The following CLDN16 variants were observed in gnomAD, a reference collection of about 807,000 sequenced individuals.
The protein encoded by CLDN16 is claudin-16.
In CLDN16, 13 loss-of-function variants were observed where a neutral mutation model predicts 24.6. The ratio of observed to expected loss-of-function variants is 0.53; its 90% CI spans 0.34 to 0.84. The LOEUF (loss-of-function observed/expected upper bound fraction) is 0.84, where lower values mean the gene tolerates loss of function less well. Ranked by LOEUF, CLDN16 falls within the 40% of genes least tolerant of loss-of-function variation. The pLI, the probability that CLDN16 is intolerant of heterozygous loss-of-function variation, is 0.01. For synonymous variants in CLDN16, 116 were observed against 106.7 expected (o/e 1.09, Z -0.54); for missense variants, 298 against 292.7 (o/e 1.02, Z -0.13).
chr3:190,326,219 A>G (rs1211064193), intron 1 of CLDN16, among the ~76,000 whole-genome samples: 1 of 152,172 alleles, frequency 6.6e-6, no homozygotes, highest in Non-Finnish European at 1.5e-5. Flanking sequence ...GAGCAAGCAT[A>G]CATGAAACAG....
chr3:190,323,450 A>G (rs1249955589), intron 1 of CLDN16, among the ~76,000 whole-genome samples: 1 of 152,124 alleles, frequency 6.6e-6, no homozygotes, highest in Non-Finnish European at 1.5e-5. Context: ...CTGGGACTGT[A>G]GTTTCCCTCT....
the CLDN16 span, among the ~76,000 whole-genome samples, chr3:190,313,739 G>A: frequency 2.0e-5 from 3 of 152,130 alleles, no homozygotes; most frequent in Non-Finnish European, 4.4e-5. Flanking sequence ...CTGCCATGTT[G>A]TAAAATAGCA....
intron 1 of CLDN16, among the ~76,000 whole-genome samples, chr3:190,362,656 G>C (rs1048462747): frequency 6.6e-6 from 1 of 151,900 alleles, no homozygotes; most frequent in Non-Finnish European, 1.5e-5. Context: ...ACATTAGTTC[G>C]CCTTCATTTT....
At chr3:190,351,325 A>C (rs1717668394) in intron 1 of CLDN16, among the ~76,000 whole-genome samples, 1 of 151,604 alleles carries the variant, frequency 6.6e-6, no homozygotes, top group Admixed American at 6.6e-5. Flanking sequence ...AAGGAACTGA[A>C]ACAGACTGTT....
At chr3:190,321,197 T>C (rs1214969004), upstream of CLDN16, among the ~76,000 whole-genome samples, 1 of 152,190 alleles carries the variant, frequency 6.6e-6, no homozygotes, top group African/African-American at 2.4e-5. Context: ...TGCATTTCCC[T>C]TCAGTGCCTT....
At chr3:190,298,374 C>CACACACACACACACACA in the CLDN16 span, among the ~76,000 whole-genome samples, 3 of 151,558 alleles carry the variant, frequency 2.0e-5, no homozygotes, top group Non-Finnish European at 4.4e-5. Flanking sequence ...CACACACACA[C>CACACACACACACACACA]ACCTTAACAA....
At chr3:190,310,664 G>A in the CLDN16 span, among the ~76,000 whole-genome samples, 4 of 152,138 alleles carry the variant, frequency 2.6e-5, no homozygotes, top group African/African-American at 9.7e-5. Flanking sequence ...CTATGTTCTT[G>A]ATCAAACTCA....
chr3:190,332,550 TA>T (rs1717204515), intron 1 of CLDN16, among the ~76,000 whole-genome samples: 1 of 152,184 alleles, frequency 6.6e-6, no homozygotes, highest in Non-Finnish European at 1.5e-5. Flanking sequence ...TCTAAGGATT[TA>T]AATTTTTCAG....
At chr3:190,399,573 T>C (rs1275247673) in intron 1 of CLDN16, among the ~76,000 whole-genome samples, 1 of 152,206 alleles carries the variant, frequency 6.6e-6, no homozygotes, top group African/African-American at 2.4e-5. Context: ...ATGCATCTTC[T>C]TAAATGGGGT....
At chr3:190,317,876 T>C (rs544779354), upstream of CLDN16, among the ~76,000 whole-genome samples, 5 of 152,320 alleles carry the variant, frequency 3.3e-5, no homozygotes, top group South Asian at 1.0e-3. Context: ...GTTGTTCAAA[T>C]GTTGACTGCA....
At chr3:190,389,501 G>T (rs977866267) in intron 1 of CLDN16, among the ~76,000 whole-genome samples, 3 of 152,158 alleles carry the variant, frequency 2.0e-5, no homozygotes, top group African/African-American at 7.2e-5. Flanking sequence ...ATTCTATTTT[G>T]CTGTGCATTA....
chr3:190,342,293 C>G (rs928706633), intron 1 of CLDN16, among the ~76,000 whole-genome samples: 2 of 152,146 alleles, frequency 1.3e-5, no homozygotes, highest in Admixed American at 6.6e-5. Context: ...ACTTACAGTT[C>G]CACATGGCTG....
At chr3:190,393,392 T>C (rs1481105537) in intron 1 of CLDN16, among the ~76,000 whole-genome samples, 1 of 152,200 alleles carries the variant, frequency 6.6e-6, no homozygotes, top group East Asian at 1.9e-4. Context: ...AAATCCCACC[T>C]TACCAGGCAG....
intron 1 of CLDN16, among the ~76,000 whole-genome samples, chr3:190,365,024 T>C (rs1717989765): frequency 6.6e-6 from 1 of 151,866 alleles, no homozygotes; most frequent in Non-Finnish European, 1.5e-5. Flanking sequence ...TACTGGGAAT[T>C]TGCTCTCAGC....
chr3:190,385,461 T>C (rs531726779), upstream of CLDN16, among the ~76,000 whole-genome samples: 10 of 152,262 alleles, frequency 6.6e-5, no homozygotes, highest in South Asian at 2.1e-3. Flanking sequence ...TCTCTAAGAG[T>C]AGTAAACTTA....
intron 1 of CLDN16, among the ~76,000 whole-genome samples, chr3:190,335,937 G>A (rs1036477439): frequency 6.6e-6 from 1 of 152,046 alleles, no homozygotes; most frequent in African/African-American, 2.4e-5. Context: ...CAAACCTAGT[G>A]GTAAGTAGAG....
At chr3:190,293,958 A>T in the CLDN16 span, among the ~76,000 whole-genome samples, 1 of 152,182 alleles carries the variant, frequency 6.6e-6, no homozygotes, top group African/African-American at 2.4e-5. Flanking sequence ...CTGAGCAAGT[A>T]CTGTATAACA....
intron 4 of CLDN16, among the ~76,000 whole-genome samples, chr3:190,409,139 T>C (rs1193455077): frequency 1.3e-5 from 2 of 151,354 alleles, no homozygotes; most frequent in Non-Finnish European, 3.0e-5. Flanking sequence ...ATTGGAATTT[T>C]TAATGGTAAC....
upstream of CLDN16, chr3:190,388,122 G>A: frequency 6.2e-7 from 1 of 1,613,784 alleles, no homozygotes; most frequent in Non-Finnish European, 8.5e-7. Context: ...TTCGGATAAT[G>A]ACCTCCAGGA....
Sources: allele counts gnomAD v4.1 joint callset (sites outside exome capture counted in the v4.1 genomes callset), GRCh38; gene constraint gnomAD v4.1.1; transcripts MANE v1.5; gene names NCBI Gene and HGNC (gene_info 2026-07-23, HGNC 2026-07-21).